SOX5: variants seen among roughly 807,000 people sequenced by gnomAD.
SOX5 encodes transcription factor SOX-5.
In SOX5, 9 loss-of-function variants were observed where a neutral mutation model predicts 92.0. That is an observed-to-expected ratio of 0.10 (90% CI 0.06 to 0.17). SOX5 has a LOEUF of 0.17. Ranked by LOEUF, SOX5 falls within the 10% of genes least tolerant of loss-of-function variation. The pLI is 1.00. For synonymous variants in SOX5, 344 were observed against 336.3 expected (o/e 1.02, Z -0.25); for missense variants, 642 against 944.5 (o/e 0.68, Z 4.20).
chr12:23,603,869 T>C (rs1227562005), intron 9 of SOX5: 1 of 155,988 alleles, frequency 6.4e-6, no homozygotes, highest in Non-Finnish European at 1.4e-5. Context: ...CTGTACCACA[T>C]TATAACAGTC....
intron 4 of SOX5, among the ~76,000 whole-genome samples, chr12:24,129,497 T>G (rs1347688478): frequency 1.3e-5 from 2 of 152,150 alleles, no homozygotes; most frequent in Non-Finnish European, 2.9e-5. Flanking sequence ...CTGAACTCAG[T>G]GGCCTCAACA....
chr12:23,747,774 CA>C (rs1203955313), intron 4 of SOX5, among the ~76,000 whole-genome samples: 1 of 151,998 alleles, frequency 6.6e-6, no homozygotes, highest in African/African-American at 2.4e-5. Context: ...CAGACATTGT[CA>C]AATTCCTCCT....
At chr12:24,144,723 G>A (rs1950903482) in intron 4 of SOX5, among the ~76,000 whole-genome samples, 2 of 152,074 alleles carry the variant, frequency 1.3e-5, no homozygotes, top group African/African-American at 4.8e-5. Flanking sequence ...CAGCTACTTG[G>A]GAGGCTGAGG....
chr12:24,054,058 C>T (rs1352739298), intron 4 of SOX5, among the ~76,000 whole-genome samples: 2 of 152,122 alleles, frequency 1.3e-5, no homozygotes, highest in East Asian at 1.9e-4. Flanking sequence ...CAAGAAAAAT[C>T]GAAAGATGCA....
At chr12:23,961,473 T>C (rs1407011342) in intron 4 of SOX5, among the ~76,000 whole-genome samples, 1 of 152,172 alleles carries the variant, frequency 6.6e-6, no homozygotes, top group Non-Finnish European at 1.5e-5. Context: ...AGCCTGTTGT[T>C]TCTTTCCAAC....
intron 1 of SOX5, among the ~76,000 whole-genome samples, chr12:24,485,883 T>C (rs1312212703): frequency 6.6e-6 from 1 of 152,210 alleles, no homozygotes; most frequent in Non-Finnish European, 1.5e-5. Context: ...CTTTTCAATT[T>C]TTATAAATGT....
chr12:24,480,295 C>T (rs1268486638), intron 1 of SOX5, among the ~76,000 whole-genome samples: 2 of 152,150 alleles, frequency 1.3e-5, no homozygotes, highest in Admixed American at 1.3e-4. Context: ...AAACCTCAAA[C>T]TATGAAACTA....
chr12:24,259,225 C>T (rs553784586), intron 3 of SOX5, among the ~76,000 whole-genome samples: 4 of 151,842 alleles, frequency 2.6e-5, no homozygotes, highest in Admixed American at 1.3e-4. Flanking sequence ...AGAGAGCGAG[C>T]GAGAGAGAGA....
chr12:24,387,162 A>G lies in SOX5; in HGVS notation c.-250-18523T>C, dbSNP rs537675096. ...AAATAACTTCTCAAACGTCTTCAACATAAGTAGCCTGCAAACCATGAGTTG... is the reference window on the plus strand; with the variant it reads ...AAATAACTTCTCAAACGTCTTCAACGTAAGTAGCCTGCAAACCATGAGTTG... On this transcript the variant is annotated intron_variant, in intron 1 of 4. Transcript: ENST00000446891. 2.0e-5 allele frequency among the ~76,000 whole-genome samples: 3 copies of G among 152,360 alleles called. No homozygotes were observed. The South Asian group carries it at 6.2e-4, about 32-fold the overall frequency.
In SOX5 at chr12:24,148,688, T is replaced by TAA. The variant is rs398018872; in HGVS notation, c.-2+64653_-2+64654dup. Among the ~76,000 whole-genome samples the TAA allele has an allele frequency of 3.2e-3, 230 of 70,928 alleles. 2 individuals are homozygous for TAA. The highest frequency in any genetic ancestry group is 0.018 in the African/African-American group (209 of 11,612). 46.5% of individuals were successfully genotyped at this position (70,928 alleles called of 152,430 possible). On this transcript the variant is annotated intron_variant, in intron 4 of 4. Coordinates refer to the SOX5 transcript ENST00000446891. ...AACATAGTGAGACCCCCATCTCTAC[T>TAA]AAAAAAAAAAAAAAAAAAAAAAAAA...
intron 2 of SOX5, among the ~76,000 whole-genome samples, chr12:24,360,589 T>C (rs1421356495): frequency 6.6e-6 from 1 of 152,178 alleles, no homozygotes; most frequent in East Asian, 1.9e-4. Context: ...AAGCAAATAT[T>C]CTGACCTATG....
intron 2 of SOX5, among the ~76,000 whole-genome samples, chr12:24,316,892 C>T (rs1949743984): frequency 6.6e-6 from 1 of 152,052 alleles, no homozygotes; most frequent in South Asian, 2.1e-4. Flanking sequence ...TAATTTGGTC[C>T]TGAAGCAGGA....
chr12:24,277,803 T>G (rs1252777618), intron 2 of SOX5, among the ~76,000 whole-genome samples: 1 of 152,036 alleles, frequency 6.6e-6, no homozygotes, highest in Non-Finnish European at 1.5e-5. Flanking sequence ...GGTGTCCTCT[T>G]AGGTCTCTTC....
In SOX5 at chr12:23,970,723, A is replaced by G. The variant is rs567201182; in HGVS notation, c.-1-74699T>C. Among the ~76,000 whole-genome samples the G allele has an allele frequency of 8.8e-5, 13 of 147,850 alleles. 1 individual carries two copies. Among genetic ancestry groups the G allele is most frequent in the African/African-American group, 3.2e-4 (13 of 40,146 alleles). On this transcript the variant is annotated intron_variant, in intron 4 of 4. Coordinates refer to the SOX5 transcript ENST00000446891. Reference sequence around the variant, plus strand: ...CTTGGGTTGTTTCCAACATTTGACCATTGTGAACCGTGCTGCAATGAACAT... The same window carrying G: ...CTTGGGTTGTTTCCAACATTTGACCGTTGTGAACCGTGCTGCAATGAACAT...
chr12:23,601,121 G>T (rs970918819), intron 9 of SOX5, among the ~76,000 whole-genome samples: 4 of 151,892 alleles, frequency 2.6e-5, no homozygotes, highest in Admixed American at 2.6e-4. Flanking sequence ...TCTCTCTCGC[G>T]CACACACTCC....
chr12:24,489,965 C>A (rs1205366913), intron 1 of SOX5, among the ~76,000 whole-genome samples: 2 of 152,206 alleles, frequency 1.3e-5, no homozygotes, highest in Admixed American at 6.5e-5. Context: ...TTTAAAGACA[C>A]CTACTTTCTA....
intron 4 of SOX5, among the ~76,000 whole-genome samples, chr12:24,068,450 A>C (rs1941153792): frequency 6.6e-6 from 1 of 151,930 alleles, no homozygotes; most frequent in South Asian, 2.1e-4. Flanking sequence ...TATATTTGGA[A>C]GTAATTAGCT....
intron 6 of SOX5, among the ~76,000 whole-genome samples, chr12:23,718,258 C>G (rs898715239): frequency 6.6e-6 from 1 of 152,122 alleles, no homozygotes; most frequent in Non-Finnish European, 1.5e-5. Context: ...TGTAATTATT[C>G]TGGTATACAC....
chr12:23,626,654 G>C (rs559176255), intron 8 of SOX5, among the ~76,000 whole-genome samples: 8 of 142,192 alleles, frequency 5.6e-5, no homozygotes, highest in Non-Finnish European at 7.6e-5. Flanking sequence ...CTGGGCTCTT[G>C]GCTGCTTTCA....
Sources: allele counts gnomAD v4.1 joint callset (sites outside exome capture counted in the v4.1 genomes callset), GRCh38; gene constraint gnomAD v4.1.1; transcripts MANE v1.5; gene names NCBI Gene and HGNC (gene_info 2026-07-23, HGNC 2026-07-21).